The following LRP1B variants were observed in gnomAD, a reference collection of about 807,000 sequenced individuals.
LRP1B encodes the protein LDL receptor related protein 1B.
Under a neutral mutation model 556.6 loss-of-function variants are expected in LRP1B, and 217 were observed. That is an observed-to-expected ratio of 0.39 (90% CI 0.35 to 0.44). The LOEUF (loss-of-function observed/expected upper bound fraction) is 0.44, where lower values mean the gene tolerates loss of function less well. LRP1B is among the 20% of genes least tolerant of loss of function. The pLI is 1.00. For synonymous variants in LRP1B, 2,047 were observed against 1,865.8 expected, an observed-to-expected ratio of 1.10 and a Z score of -2.50; for missense variants, 5,053 against 5,620.8, an observed-to-expected ratio of 0.90 and a Z score of 3.23.
chr2:141,685,309 A>G (rs1691255955), intron 2 of LRP1B, among the ~76,000 whole-genome samples: 1 of 152,092 alleles, frequency 6.6e-6, no homozygotes, highest in Non-Finnish European at 1.5e-5. Context: ...TTAGATGATT[A>G]TATTTGGGAC....
At chr2:141,479,148 T>C (rs924731540) in intron 3 of LRP1B, among the ~76,000 whole-genome samples, 1 of 152,154 alleles carries the variant, frequency 6.6e-6, no homozygotes, top group African/African-American at 2.4e-5. Context: ...ACCTGTAGTC[T>C]CTCAACACTC....
At chr2:141,443,052 T>C (rs1324467512) in intron 3 of LRP1B, among the ~76,000 whole-genome samples, 6 of 152,190 alleles carry the variant, frequency 3.9e-5, no homozygotes, top group Admixed American at 3.9e-4. Context: ...ACCAACCGTG[T>C]AAAAGTGTTC....
In LRP1B at chr2:140,270,301, G is replaced by C. The variant is rs1305757736; in HGVS notation, c.13188C>G (p.Gly4396=). The C allele has an allele frequency of 6.2e-7, 1 of 1,612,022 alleles. No homozygotes were observed. The highest frequency in any genetic ancestry group is 1.3e-5 in the African/African-American group (1 of 74,778). ...KIASSCQLCD[G]YCYNGGTCQL... ...GGCATGTGCCACCATTGTAACAGTAGCCATCACATAACTGACAGCTAGAGG... is the reference window on the plus strand; with the variant it reads ...GGCATGTGCCACCATTGTAACAGTACCCATCACATAACTGACAGCTAGAGG... The change falls in exon 86 of 91, where the codon GGC becomes GGG. Residue 4396 remains glycine (G), a synonymous_variant. Transcript: ENST00000389484.
intron 27 of LRP1B, among the ~76,000 whole-genome samples, chr2:140,857,028 G>C (rs1692639805): frequency 6.6e-6 from 1 of 151,954 alleles, no homozygotes; most frequent in Non-Finnish European, 1.5e-5. Flanking sequence ...TGTGTGCTCT[G>C]GGAAGAAAAA....
chr2:141,964,425 C>T (rs1574538388), intron 1 of LRP1B, among the ~76,000 whole-genome samples: 1 of 147,746 alleles, frequency 6.8e-6, no homozygotes, highest in East Asian at 2.1e-4. Flanking sequence ...GAACAGAGCC[C>T]TCAGAAATAA....
At chr2:141,320,911 T>C (rs1017369543) in intron 3 of LRP1B, among the ~76,000 whole-genome samples, 7 of 152,226 alleles carry the variant, frequency 4.6e-5, no homozygotes, top group Non-Finnish European at 7.4e-5. Context: ...ACTGTTCTTC[T>C]GAGGATTTAT....
intron 1 of LRP1B, among the ~76,000 whole-genome samples, chr2:141,915,814 C>G (rs536929690): frequency 6.6e-6 from 1 of 152,052 alleles, no homozygotes; most frequent in African/African-American, 2.4e-5. Flanking sequence ...AAGTGGCCAA[C>G]AAACATATAA....
At chr2:140,875,042 C>A (rs943118760) in intron 25 of LRP1B, among the ~76,000 whole-genome samples, 1 of 150,596 alleles carries the variant, frequency 6.6e-6, no homozygotes, top group South Asian at 2.1e-4. Flanking sequence ...AAAAGGACAC[C>A]AAGTCCTGCT....
intron 41 of LRP1B, among the ~76,000 whole-genome samples, chr2:140,637,525 T>C (rs943062996): frequency 6.6e-5 from 10 of 152,228 alleles, no homozygotes; most frequent in African/African-American, 1.4e-4. Context: ...GCTTTCAAGC[T>C]AGGCCCCAAA....
At chr2:142,096,075 C>T (rs1706355077) in intron 1 of LRP1B, among the ~76,000 whole-genome samples, 1 of 151,588 alleles carries the variant, frequency 6.6e-6, no homozygotes, top group South Asian at 2.1e-4. Context: ...CCTTCTAAAC[C>T]CAAATAAATA....
intron 3 of LRP1B, among the ~76,000 whole-genome samples, chr2:141,406,202 C>G (rs1402207668): frequency 2.6e-5 from 4 of 151,944 alleles, no homozygotes; most frequent in Non-Finnish European, 4.4e-5. Flanking sequence ...CGTCTTTTAT[C>G]AAAATAAAAC....
At chr2:140,471,652 AT>A (rs1160965480) in intron 60 of LRP1B, among the ~76,000 whole-genome samples, 1 of 152,188 alleles carries the variant, frequency 6.6e-6, no homozygotes, top group Non-Finnish European at 1.5e-5. Context: ...CTCCTAAAAT[AT>A]TTTAACAGTC....
chr2:141,189,937 A>AAAGAAAGAGAGAAAAGG (rs1553473162), intron 6 of LRP1B, among the ~76,000 whole-genome samples: 1 of 150,314 alleles, frequency 6.7e-6, no homozygotes, highest in Admixed American at 6.7e-5. Flanking sequence ...CCTTTAGAAG[A>AAAGAAAGAGAGAAAAGG]AAGAAAGAAA....
At chr2:141,405,946 G>A (rs575557174) in intron 3 of LRP1B, among the ~76,000 whole-genome samples, 4 of 152,110 alleles carry the variant, frequency 2.6e-5, no homozygotes, top group Admixed American at 2.0e-4. Flanking sequence ...ATATAGTACA[G>A]TAGCATTTGT....
chr2:140,411,598 G>T (rs1684971180), intron 66 of LRP1B, among the ~76,000 whole-genome samples: 3 of 152,042 alleles, frequency 2.0e-5, no homozygotes, highest in African/African-American at 7.2e-5. Context: ...CTGCTAGTTA[G>T]TTGGTGACAA....
At chr2:140,773,647 G>A (rs1009938540) in intron 33 of LRP1B, among the ~76,000 whole-genome samples, 2 of 145,934 alleles carry the variant, frequency 1.4e-5, no homozygotes, top group Non-Finnish European at 3.0e-5. Flanking sequence ...TATATAGAGA[G>A]AACTATATTT....
intron 18 of LRP1B, among the ~76,000 whole-genome samples, chr2:140,969,781 T>C (rs528933319): frequency 1.3e-5 from 2 of 152,206 alleles, no homozygotes; most frequent in Non-Finnish European, 2.9e-5. Context: ...CCTTCACTTA[T>C]GAAGCTTAGT....
At chr2:140,712,701 C>G (rs1687077292) in intron 37 of LRP1B, among the ~76,000 whole-genome samples, 1 of 152,056 alleles carries the variant, frequency 6.6e-6, no homozygotes, top group Non-Finnish European at 1.5e-5. Context: ...GCTAGCTCCA[C>G]TTTCTAATTA....
chr2:141,697,477 G>A (rs1391825292), intron 2 of LRP1B, among the ~76,000 whole-genome samples: 5 of 151,834 alleles, frequency 3.3e-5, no homozygotes, highest in Non-Finnish European at 4.4e-5. Flanking sequence ...AACGTGCATC[G>A]GGAATACAAT....
Sources: allele counts gnomAD v4.1 joint callset (sites outside exome capture counted in the v4.1 genomes callset), GRCh38; gene constraint gnomAD v4.1.1; transcripts MANE v1.5; gene names NCBI Gene and HGNC (gene_info 2026-07-23, HGNC 2026-07-21).